Variants in LARGE1 observed in about 807,000 individuals in gnomAD.
The protein encoded by LARGE1 is LARGE xylosyl- and glucuronyltransferase 1, also known as xylosyl- and glucuronyltransferase LARGE1.
In LARGE1, 43 loss-of-function variants were observed where a neutral mutation model predicts 87.6. The ratio of observed to expected loss-of-function variants is 0.49; its 90% CI spans 0.38 to 0.63. The LOEUF (loss-of-function observed/expected upper bound fraction) is 0.63, where lower values mean the gene tolerates loss of function less well. LARGE1 is among the 30% of genes least tolerant of loss of function. LARGE1 has a pLI of 0.00. For missense variants in LARGE1, 802 were observed against 1,000.2 expected (o/e 0.80, Z 2.67); for synonymous variants, 434 against 394.6 (o/e 1.10, Z -1.18).
chr22:33,664,175 T>G (rs1012331006), intron 2 of LARGE1, among the ~76,000 whole-genome samples: 6 of 152,202 alleles, frequency 3.9e-5, no homozygotes, highest in Non-Finnish European at 8.8e-5. Context: ...GTATACACCG[T>G]GGCCATTCCT....
intron 10 of LARGE1, among the ~76,000 whole-genome samples, chr22:33,331,957 C>A (rs944299315): frequency 6.6e-6 from 1 of 152,116 alleles, no homozygotes; most frequent in Non-Finnish European, 1.5e-5. Context: ...CGTGTGCTCT[C>A]AAAGCACTAC....
chr22:33,220,071 G>A (rs751322189), intron 11 of LARGE1, among the ~76,000 whole-genome samples: 5 of 152,192 alleles, frequency 3.3e-5, no homozygotes, highest in African/African-American at 9.7e-5. Context: ...ATAATACAAC[G>A]GATGGTGAAT....
rs189827820 is a variant in LARGE1, at chr22:33,790,449, G to A, written c.-82-28891C>T. ...ACTGGCCTACACTGAATCATCCAAG[G>A]ATACAGCAGGAATTTAAACCAATTT... On this transcript the variant is annotated intron_variant, in intron 1 of 14. Coordinates refer to ENST00000397394, the MANE Select transcript of LARGE1 (RefSeq NM_133642.5). Among the ~76,000 whole-genome samples, 44 of 152,138 alleles carry A rather than the reference G, an allele frequency of 2.9e-4. No individual in the cohort carries two copies. The East Asian group carries it at 6.9e-3, about 24-fold the overall frequency.
At chr22:33,724,908 G>A (rs571833262) in intron 2 of LARGE1, 1 of 152,408 alleles carries the variant, frequency 6.6e-6, no homozygotes, top group Non-Finnish European at 1.5e-5. Flanking sequence ...AGTTGTGAAG[G>A]AAATAAAGGA....
the LARGE1 span, among the ~76,000 whole-genome samples, chr22:33,150,172 A>G: frequency 6.6e-6 from 1 of 152,216 alleles, no homozygotes; most frequent in Admixed American, 6.5e-5. Context: ...CCACATCCAG[A>G]CAATGAGACA....
intron 1 of LARGE1, among the ~76,000 whole-genome samples, chr22:33,893,109 C>T (rs930029906): frequency 6.6e-6 from 1 of 152,164 alleles, no homozygotes; most frequent in African/African-American, 2.4e-5. Flanking sequence ...ATTGAAGCCA[C>T]AGCAGGAGGA....
chr22:33,553,936 G>C (rs968243139), intron 6 of LARGE1, among the ~76,000 whole-genome samples: 1 of 152,150 alleles, frequency 6.6e-6, no homozygotes. Flanking sequence ...ACAACTGATA[G>C]AGAGGTCCAT....
At chr22:33,112,456 G>A in the LARGE1 span, among the ~76,000 whole-genome samples, 1 of 152,236 alleles carries the variant, frequency 6.6e-6, no homozygotes, top group Non-Finnish European at 1.5e-5. Flanking sequence ...GCGCTGGCAA[G>A]ATGGAAGCGA....
chr22:33,695,087 T>A (rs762608495), intron 2 of LARGE1, among the ~76,000 whole-genome samples: 43 of 151,334 alleles, frequency 2.8e-4, no homozygotes, highest in Non-Finnish European at 5.3e-4. Flanking sequence ...ATAGCTGCAG[T>A]AATTTTTTCT....
chr22:33,379,357 G>A (rs1049193961), intron 9 of LARGE1, among the ~76,000 whole-genome samples: 2 of 151,450 alleles, frequency 1.3e-5, no homozygotes, highest in African/African-American at 4.9e-5. Flanking sequence ...TTGGTGTGCT[G>A]CACCCACTAA....
chr22:33,653,913 A>C (rs971396312), intron 2 of LARGE1, among the ~76,000 whole-genome samples: 17 of 152,302 alleles, frequency 1.1e-4, no homozygotes, highest in South Asian at 6.2e-4. Context: ...ATCCGTAAGA[A>C]CATGGAGGAG....
At chr22:33,499,835 G>A (rs1211432708) in intron 6 of LARGE1, among the ~76,000 whole-genome samples, 1 of 152,130 alleles carries the variant, frequency 6.6e-6, no homozygotes, top group African/African-American at 2.4e-5. Context: ...GTGCAATGGT[G>A]CAATCTCGGC....
chr22:33,478,519 C>A (rs938753930), intron 6 of LARGE1, among the ~76,000 whole-genome samples: 1 of 152,240 alleles, frequency 6.6e-6, no homozygotes, highest in Non-Finnish European at 1.5e-5. Flanking sequence ...AAACTTCCTC[C>A]ATGCTGCTTT....
the LARGE1 span, chr22:33,105,479 G>A: frequency 6.6e-6 from 1 of 152,190 alleles, no homozygotes; most frequent in Non-Finnish European, 1.5e-5. Context: ...TTCTGTAGGA[G>A]CCCTTGGCTG....
intron 1 of LARGE1, among the ~76,000 whole-genome samples, chr22:33,806,681 C>A (rs1161309887): frequency 6.6e-6 from 1 of 152,144 alleles, no homozygotes; most frequent in Non-Finnish European, 1.5e-5. Flanking sequence ...AGCTGTGCTA[C>A]TCGGAGGAAG....
intron 2 of LARGE1, among the ~76,000 whole-genome samples, chr22:33,675,318 A>AAAAAG (rs56272266): frequency 6.9e-6 from 1 of 145,792 alleles, no homozygotes; most frequent in Admixed American, 6.8e-5. Flanking sequence ...AAAAAAAAAA[A>AAAAAG]GAACACAAGA....
chr22:33,513,812 TAC>T (rs56262022), intron 6 of LARGE1, among the ~76,000 whole-genome samples: 12,656 of 142,996 alleles, frequency 0.089, 602 homozygotes, highest in African/African-American at 0.14. Flanking sequence ...AGAGCTGATG[TAC>T]ACACACACAC....
intron 1 of LARGE1, among the ~76,000 whole-genome samples, chr22:33,862,294 G>A (rs2063952459): frequency 6.6e-6 from 1 of 152,220 alleles, no homozygotes; most frequent in African/African-American, 2.4e-5. Flanking sequence ...AAGCTGCCAT[G>A]GGAGCAAAGG....
At chr22:33,175,561 A>C (rs1218332991) in intron 11 of LARGE1, among the ~76,000 whole-genome samples, 2 of 152,140 alleles carry the variant, frequency 1.3e-5, no homozygotes, top group African/African-American at 4.8e-5. Context: ...CACAATTGCT[A>C]CAAAGAGAAT....
Sources: gnomAD v4.1 joint callset for allele counts (sites outside exome capture counted in the v4.1 genomes callset) on GRCh38, gnomAD v4.1.1 for gene constraint, MANE v1.5 for transcripts, NCBI Gene and HGNC (gene_info 2026-07-23, HGNC 2026-07-21) for gene names.